RBBP8: variants seen among roughly 807,000 people sequenced by gnomAD.
RBBP8 encodes RB binding protein 8, endonuclease.
Under a neutral mutation model 108.3 loss-of-function variants are expected in RBBP8, and 88 were observed. The ratio of observed to expected loss-of-function variants is 0.81; its 90% CI spans 0.68 to 0.97. The LOEUF (loss-of-function observed/expected upper bound fraction) is 0.97, where lower values mean the gene tolerates loss of function less well. RBBP8 is among the 50% of genes least tolerant of loss of function. The probability of loss-of-function intolerance (pLI) is 0.00; values close to 1 mark genes in which losing one functional copy is unlikely to be tolerated. For missense variants in RBBP8, 1,023 were observed against 1,049.0 expected (o/e 0.98, Z 0.34); for synonymous variants, 332 against 348.2 (o/e 0.95, Z 0.52).
chr18:22,914,306 G>C (rs934899519), exon 1 of RBBP8: 1 of 151,892 alleles, frequency 6.6e-6, no homozygotes, highest in African/African-American at 2.4e-5. Flanking sequence ...TAAGTCGAAG[G>C]GTAAGTATAT....
chr18:23,008,648 G>T (rs1387164919), intron 16 of RBBP8, among the ~76,000 whole-genome samples: 2 of 151,998 alleles, frequency 1.3e-5, no homozygotes, highest in Non-Finnish European at 2.9e-5. Context: ...TGGAGCCCTA[G>T]TTCCTTTTAG....
intron 8 of RBBP8, among the ~76,000 whole-genome samples, chr18:22,985,815 G>A (rs1915287608): frequency 6.6e-6 from 1 of 152,182 alleles, no homozygotes; most frequent in African/African-American, 2.4e-5. Context: ...GAGGTCATCA[G>A]CAGGTAGATG....
intron 9 of RBBP8, among the ~76,000 whole-genome samples, chr18:22,989,991 C>T (rs1229311566): frequency 6.6e-6 from 1 of 152,178 alleles, no homozygotes; most frequent in Non-Finnish European, 1.5e-5. Context: ...AGTTGTCTTG[C>T]TGTTGAATTT....
At chr18:22,942,485 A>C (rs1911183641) in intron 2 of RBBP8, among the ~76,000 whole-genome samples, 1 of 152,130 alleles carries the variant, frequency 6.6e-6, no homozygotes, top group Non-Finnish European at 1.5e-5. Flanking sequence ...GGAGACTAGC[A>C]ATATGCAAAC....
intron 4 of RBBP8, among the ~76,000 whole-genome samples, chr18:22,956,949 AT>A (rs1007496096): frequency 6.6e-6 from 1 of 152,078 alleles, no homozygotes; most frequent in East Asian, 1.9e-4. Flanking sequence ...GATAGAACGC[AT>A]TTTTTTTGAA....
At chr18:22,999,574 C>G (rs1170473225) in intron 14 of RBBP8, among the ~76,000 whole-genome samples, 1 of 151,812 alleles carries the variant, frequency 6.6e-6, no homozygotes, top group East Asian at 1.9e-4. Flanking sequence ...CTCAGTGACA[C>G]TCAGTGGGAG....
In RBBP8 at chr18:22,947,960, G is replaced by A. The variant is rs2144478322; in HGVS notation, c.152+1474G>A. On this transcript the variant is annotated intron_variant, in intron 3 of 18. Coordinates refer to ENST00000327155, the MANE Select transcript of RBBP8 (RefSeq NM_002894.3). ...CGTTATTCTAAATAGAACAGTAATG[G>A]AATATATGAATATGGGAAAATCAGA... is the stretch of plus-strand genomic sequence containing the variant. Among the ~76,000 whole-genome samples, 3 of 152,144 alleles carry A rather than the reference G, an allele frequency of 2.0e-5. No homozygotes were observed. The South Asian group carries it at 6.2e-4, about 31-fold the overall frequency.
chr18:22,961,752 G>T (rs1913119509), intron 4 of RBBP8, among the ~76,000 whole-genome samples: 2 of 152,086 alleles, frequency 1.3e-5, no homozygotes, highest in South Asian at 4.1e-4. Context: ...CAAAAGATTG[G>T]ACACCCCGTT....
At chr18:22,929,721 C>T (rs1318961298), upstream of RBBP8, among the ~76,000 whole-genome samples, 2 of 151,896 alleles carry the variant, frequency 1.3e-5, no homozygotes, top group African/African-American at 2.4e-5. Flanking sequence ...TTGCCTAATT[C>T]GTAGGGTTGA....
intron 3 of RBBP8, among the ~76,000 whole-genome samples, chr18:22,949,123 G>A (rs1298474338): frequency 6.6e-6 from 1 of 152,150 alleles, no homozygotes; most frequent in Non-Finnish European, 1.5e-5. Context: ...AGAGAGTTTA[G>A]GTTAATTGTA....
chr18:22,956,722 G>A (rs920809902), intron 4 of RBBP8, among the ~76,000 whole-genome samples: 4 of 152,108 alleles, frequency 2.6e-5, no homozygotes, highest in African/African-American at 9.7e-5. Flanking sequence ...AAAACACTGA[G>A]ATATTTCAAT....
At chr18:22,992,420 T>C (rs1012549133) in intron 10 of RBBP8, among the ~76,000 whole-genome samples, 1 of 152,224 alleles carries the variant, frequency 6.6e-6, no homozygotes, top group African/African-American at 2.4e-5. Context: ...GGCCTCGAAC[T>C]TCTGGCCTCA....
rs146836104 is a variant in RBBP8 at position 22,939,863 on chromosome 18, A to G, written c.109+2903A>G. Among the ~76,000 whole-genome samples, 5 of 152,312 alleles carry G rather than the reference A, an allele frequency of 3.3e-5. No homozygotes were observed. The East Asian group carries it at 7.7e-4, about 23-fold the overall frequency. ...GGGGAAGTGGGTTTGTGCATGGTTT[A>G]TGTCAGACCAGGCTTGATAATTAAG... On this transcript the variant is annotated intron_variant, in intron 2 of 18. Transcript: ENST00000327155.
chr18:22,973,698 A>G (rs1914291093), intron 5 of RBBP8, among the ~76,000 whole-genome samples: 2 of 152,186 alleles, frequency 1.3e-5, no homozygotes, highest in South Asian at 2.1e-4. Flanking sequence ...TTAACCTGCT[A>G]TTGAAAACTT....
chr18:22,931,105 T>A (rs1048183111), upstream of RBBP8, among the ~76,000 whole-genome samples: 3 of 152,134 alleles, frequency 2.0e-5, no homozygotes, highest in African/African-American at 7.2e-5. Flanking sequence ...CAGAATTAAT[T>A]AAATAACTAA....
intron 8 of RBBP8, among the ~76,000 whole-genome samples, chr18:22,986,862 A>G (rs960456037): frequency 2.6e-5 from 4 of 152,176 alleles, no homozygotes; most frequent in Non-Finnish European, 4.4e-5. Flanking sequence ...GGGTCCAGCA[A>G]AGGGTGCTAG....
intron 10 of RBBP8, 119 bp downstream of exon 10, chr18:22,991,168 A>T: frequency 1.3e-6 from 1 of 794,160 alleles, no homozygotes; most frequent in African/African-American, 1.7e-5. Context: ...GTGGTTATAT[A>T]AATGTTTACT....
intron 2 of RBBP8, among the ~76,000 whole-genome samples, chr18:22,938,530 A>G (rs960760015): frequency 6.6e-6 from 1 of 152,076 alleles, no homozygotes; most frequent in African/African-American, 2.4e-5. Context: ...TTTGTGATTC[A>G]TTTTTATGGT....
chr18:22,924,186 T>C (rs995116116), intron 3 of RBBP8, among the ~76,000 whole-genome samples: 10 of 137,494 alleles, frequency 7.3e-5, no homozygotes, highest in African/African-American at 2.7e-4. Flanking sequence ...TGGAGTGCAG[T>C]GGTGCAATCT....
Sources: allele counts gnomAD v4.1 joint callset (sites outside exome capture counted in the v4.1 genomes callset), GRCh38; gene constraint gnomAD v4.1.1; transcripts MANE v1.5; gene names NCBI Gene and HGNC (gene_info 2026-07-23, HGNC 2026-07-21).